Variants in GPA33 observed in about 807,000 individuals in gnomAD.
The protein encoded by GPA33 is cell surface A33 antigen.
In GPA33, 27 loss-of-function variants were observed where a neutral mutation model predicts 35.6. The observed-to-expected ratio is 0.76, with a 90% CI of 0.56 to 1.04. GPA33 has a LOEUF of 1.04. Among genes scored for constraint, GPA33 ranks in the 50% least tolerant of loss-of-function variants. The pLI is 0.00. For missense variants in GPA33, 428 were observed against 411.9 expected (o/e 1.04, Z -0.34); for synonymous variants, 176 against 164.0 (o/e 1.07, Z -0.56).
rs560243717 is a variant in GPA33 at position 167,074,100 on chromosome 1, G to A, written c.44-561C>T. 3.3e-5 allele frequency among the ~76,000 whole-genome samples: 5 copies of A among 150,062 alleles called. No individual in the cohort carries two copies. In the East Asian group the frequency reaches 5.8e-4, roughly 17 times the overall value. On this transcript the variant is annotated intron_variant, in intron 1 of 6. Coordinates refer to ENST00000367868, the MANE Select transcript of GPA33 (RefSeq NM_005814.3). ...CCATATTTTCACAGGAGTTTATCTC[G>A]TATGAGTTTATCAGAACAAGGTTAG... is the stretch of plus-strand genomic sequence containing the variant.
intron 1 of GPA33, among the ~76,000 whole-genome samples, chr1:167,084,091 C>T (rs536092976): frequency 7.2e-5 from 11 of 152,128 alleles, no homozygotes; most frequent in African/African-American, 2.2e-4. Flanking sequence ...TGGCGCTTAT[C>T]GGCCATGACA....
chr1:167,079,219 G>A (rs1218040233), intron 1 of GPA33, among the ~76,000 whole-genome samples: 38 of 152,244 alleles, frequency 2.5e-4, no homozygotes, highest in South Asian at 2.1e-3. Flanking sequence ...CCAGCTGGGC[G>A]TGGTGGCTCA....
rs557473855 is a variant in GPA33 at position 167,085,943 on chromosome 1, G to A, written c.43+4302C>T. 3.2e-4 allele frequency among the ~76,000 whole-genome samples: 49 copies of A among 152,330 alleles called. 1 individual carries two copies. The South Asian group carries it at 6.6e-3, about 21-fold the overall frequency. On this transcript the variant is annotated intron_variant, in intron 1 of 6. Transcript: ENST00000367868. Reference sequence around the variant, plus strand: ...CTCTGGATTCTGACTCAGAAGGTATGGGGGAGACTGGGCATCTGTATTTTC... The same window carrying A: ...CTCTGGATTCTGACTCAGAAGGTATAGGGGAGACTGGGCATCTGTATTTTC...
chr1:167,055,608 G>T, intron 5 of GPA33, 122 bp downstream of exon 5: 3 of 1,050,726 alleles, frequency 2.9e-6, no homozygotes, highest in Non-Finnish European at 4.3e-6. Flanking sequence ...CAGCTAACCT[G>T]CAGGTGCGTG....
intron 3 of GPA33, among the ~76,000 whole-genome samples, chr1:167,066,585 C>A (rs1321288607): frequency 6.6e-6 from 1 of 152,192 alleles, no homozygotes; most frequent in Non-Finnish European, 1.5e-5. Context: ...GTAGGACCTC[C>A]GATCAAACAG....
At chr1:167,071,635 T>G (rs1001418631) in intron 2 of GPA33, among the ~76,000 whole-genome samples, 15 of 152,200 alleles carry the variant, frequency 9.9e-5, no homozygotes, top group Non-Finnish European at 2.9e-5. Flanking sequence ...TGTCTCGGGC[T>G]GTGGATCAGT....
At chr1:167,082,387 C>T (rs1164730597) in intron 1 of GPA33, 5 of 444,962 alleles carry the variant, frequency 1.1e-5, no homozygotes, top group African/African-American at 8.1e-5. Flanking sequence ...TGAGGGCAGC[C>T]TATTTTGTCA....
chr1:167,054,590 A>G, intron 6 of GPA33, 124 bp from the exon 7 acceptor site: 1 of 1,186,866 alleles, frequency 8.4e-7, no homozygotes. Context: ...CCAGCTGCAG[A>G]GGACACTGGG....
chr1:167,068,085 T>A (rs182917305), intron 3 of GPA33, among the ~76,000 whole-genome samples: 6 of 152,002 alleles, frequency 3.9e-5, no homozygotes, highest in Non-Finnish European at 7.4e-5. Context: ...ATTAATTAAA[T>A]TAAATTTTAA....
intron 4 of GPA33, among the ~76,000 whole-genome samples, chr1:167,061,630 C>G (rs1356889253): frequency 6.2e-5 from 7 of 113,814 alleles, no homozygotes; most frequent in Non-Finnish European, 1.2e-4. Context: ...GAGTCTCGCT[C>G]TGTTGCCCAG....
chr1:167,069,405 T>C (rs1666671754), intron 2 of GPA33, among the ~76,000 whole-genome samples: 1 of 152,242 alleles, frequency 6.6e-6, no homozygotes. Flanking sequence ...AATGGGTCCA[T>C]CTGGGATCCC....
chr1:167,078,625 G>C (rs778288470), intron 1 of GPA33: 1 of 152,160 alleles, frequency 6.6e-6, no homozygotes, highest in Admixed American at 6.5e-5. Context: ...CTTTCTTCTG[G>C]TTCAGAAACA....
chr1:167,065,912 T>G (rs1666582466), intron 3 of GPA33, among the ~76,000 whole-genome samples: 1 of 151,980 alleles, frequency 6.6e-6, no homozygotes, highest in African/African-American at 2.4e-5. Flanking sequence ...GTCTGCGGCT[T>G]AAGGACCACT....
chr1:167,078,190 C>G (rs189757746), intron 1 of GPA33, among the ~76,000 whole-genome samples: 1 of 152,348 alleles, frequency 6.6e-6, no homozygotes, highest in East Asian at 1.9e-4. Context: ...CTTCAGTCAA[C>G]CAACAAGTAT....
intron 4 of GPA33, among the ~76,000 whole-genome samples, chr1:167,057,348 C>G (rs1174194396): frequency 6.6e-6 from 1 of 152,050 alleles, no homozygotes; most frequent in Non-Finnish European, 1.5e-5. Flanking sequence ...TTTGTTATAA[C>G]TGCTATTTTG....
At chr1:167,066,808 C>T (rs1293530969) in intron 3 of GPA33, among the ~76,000 whole-genome samples, 1 of 152,206 alleles carries the variant, frequency 6.6e-6, no homozygotes, top group East Asian at 1.9e-4. Flanking sequence ...CGTCAGGGGG[C>T]GCCAGAGGCC....
intron 1 of GPA33, among the ~76,000 whole-genome samples, chr1:167,088,896 GCCCTGGAGCATCCT>G (rs1212393011): frequency 6.6e-6 from 1 of 152,114 alleles, no homozygotes; most frequent in Non-Finnish European, 1.5e-5. Context: ...CCTCTCTCAG[GCCCTGGAGCATCCT>G]CCCTGCCTGA....
intron 1 of GPA33, among the ~76,000 whole-genome samples, chr1:167,086,639 T>C (rs949210467): frequency 1.3e-5 from 2 of 152,098 alleles, no homozygotes. Flanking sequence ...CAGGGAAGGG[T>C]TCTAAAATGG....
intron 1 of GPA33, among the ~76,000 whole-genome samples, chr1:167,083,891 C>T (rs1285682454): frequency 6.6e-6 from 1 of 150,616 alleles, no homozygotes; most frequent in East Asian, 1.9e-4. Flanking sequence ...TAGCCTCCCA[C>T]TGTCAATCCA....
Sources: allele counts gnomAD v4.1 joint callset (sites outside exome capture counted in the v4.1 genomes callset), GRCh38; gene constraint gnomAD v4.1.1; transcripts MANE v1.5; gene names NCBI Gene and HGNC (gene_info 2026-07-23, HGNC 2026-07-21).